CD160: variants seen among roughly 807,000 people sequenced by gnomAD.
The protein encoded by CD160 is CD160 antigen.
In CD160, 11 loss-of-function variants were observed where a neutral mutation model predicts 19.2. The observed-to-expected ratio is 0.57, with a 90% CI of 0.36 to 0.95. The LOEUF (loss-of-function observed/expected upper bound fraction) is 0.95. Ranked by LOEUF, CD160 falls within the 40% of genes least tolerant of loss-of-function variation. The pLI is 0.01. For synonymous variants in CD160, 75 were observed against 81.1 expected (o/e 0.93, Z 0.40); for missense variants, 182 against 213.2 (o/e 0.85, Z 0.91).
rs1381132363 is a variant in CD160 at position 145,738,939 on chromosome 1, A to T, written c.*446A>T. ...GAAAACAAGCAAAGATAGGTAGGACAGAAAGGAAGACAGCCAGATCCAGTG... is the reference window on the plus strand; with the variant it reads ...GAAAACAAGCAAAGATAGGTAGGACTGAAAGGAAGACAGCCAGATCCAGTG... On this transcript the variant is annotated 3_prime_UTR_variant, in exon 6 of 6. Coordinates refer to ENST00000369288, the MANE Select transcript of CD160 (RefSeq NM_007053.4). The T allele has an allele frequency of 6.5e-6, 1 of 153,860 alleles. No individual in the cohort carries two copies. Among genetic ancestry groups the T allele is most frequent in the Non-Finnish European group, 1.5e-5 (1 of 68,670 alleles). The allele number at this position is 153,860 out of a possible 1,614,324, so 9.5% of individuals were successfully genotyped here.
intron 2 of CD160, among the ~76,000 whole-genome samples, chr1:145,728,055 T>A (rs1657121556): frequency 6.6e-6 from 1 of 152,182 alleles, no homozygotes; most frequent in East Asian, 1.9e-4. Context: ...TAGCCTTTAG[T>A]GTCTCCCTAT....
At chr1:145,732,867 G>C (rs1657349196) in intron 4 of CD160, among the ~76,000 whole-genome samples, 1 of 152,104 alleles carries the variant, frequency 6.6e-6, no homozygotes, top group African/African-American at 2.4e-5. Flanking sequence ...AAGGAAAATG[G>C]GTGAAAGTAT....
chr1:145,721,336 G>T (rs1284753178), intron 1 of CD160, among the ~76,000 whole-genome samples: 12 of 152,182 alleles, frequency 7.9e-5, no homozygotes, highest in African/African-American at 2.9e-4. Context: ...GCCCTCTAGC[G>T]GCCAGAGTGC....
chr1:145,736,254 T>A (rs1553710174), intron 5 of CD160, 120 bp downstream of exon 5: 4 of 1,564,972 alleles, frequency 2.6e-6, no homozygotes, highest in Non-Finnish European at 3.5e-6. Context: ...AGAAAAATGT[T>A]ACTCAAGCCC....
rs1656989405 is a variant in CD160 at position 145,724,878 on chromosome 1, C to G, written c.-101C>G. On this transcript the variant is annotated 5_prime_UTR_variant, in exon 2 of 6. Coordinates refer to ENST00000369288, the MANE Select transcript of CD160 (RefSeq NM_007053.4). Reference sequence around the variant, plus strand: ...CCGTGAACTCCCGGGCTCCTCCCACCTAAGTCTCTTGAGTAGCTGGGACTT... The same window carrying G: ...CCGTGAACTCCCGGGCTCCTCCCACGTAAGTCTCTTGAGTAGCTGGGACTT... 6.6e-6 allele frequency: 1 copy of G among 151,986 alleles called. No homozygotes were observed. Among genetic ancestry groups the G allele is most frequent in the Non-Finnish European group, 1.5e-5 (1 of 68,026 alleles). 9.4% of individuals were successfully genotyped at this position (151,986 alleles called of 1,614,324 possible).
At chr1:145,730,416 C>G (rs1352064520) in intron 3 of CD160, among the ~76,000 whole-genome samples, 1 of 152,152 alleles carries the variant, frequency 6.6e-6, no homozygotes, top group African/African-American at 2.4e-5. Context: ...CCTCATAGCC[C>G]CAGCAGGGCT....
At position 145,725,125 on chromosome 1, in the gene CD160, G is replaced by T. The variant is rs919547667; in HGVS notation, c.-73+219G>T. Among the ~76,000 whole-genome samples the T allele has an allele frequency of 3.3e-5, 5 of 151,544 alleles. No individual in the cohort carries two copies. In the South Asian group the frequency reaches 1.1e-3, roughly 32 times the overall value. On this transcript the variant is annotated intron_variant, in intron 2 of 5. Coordinates refer to ENST00000369288, the MANE Select transcript of CD160 (RefSeq NM_007053.4). ...AACAGAATACAGCAGCACATGAAAA[G>T]AATAACATACTAGGCCGGGCGTGGT...
Position 145,731,042 on chromosome 1 carries a change from G to A in CD160, c.372G>A (p.Gln124=). 1 of 1,614,016 alleles carries A rather than the reference G, an allele frequency of 6.2e-7. No homozygotes were observed. The highest frequency in any genetic ancestry group is 2.2e-5 in the East Asian group (1 of 44,876). The change falls in exon 4 of 6, where the codon CAG becomes CAA. Residue 124 remains glutamine (Q), a synonymous_variant. Coordinates refer to ENST00000369288, the MANE Select transcript of CD160 (RefSeq NM_007053.4). ...ARSQKSGIRL[Q]GHFFSILFTE... ...GCCAGAAGTCAGGTATCCGCCTTCA[G>A]GGCCATTTTTTCTCCATTCTATTCA...
chr1:145,728,366 C>T lies in CD160; in HGVS notation c.39C>T (p.Ala13=), dbSNP rs140276352. 28 of 1,613,264 alleles carry T rather than the reference C, an allele frequency of 1.7e-5. No homozygotes were observed. The African/African-American group carries it at 3.6e-4, about 21-fold the overall frequency. The change falls in exon 3 of 6, where the codon GCC becomes GCT. Residue 13 remains alanine, a synonymous_variant. Transcript: ENST00000369288. The stretch of plus-strand genomic sequence containing the variant: ...CCGGCAGAGGCTGCTGTGCCCTGGC[C>T]ATCCTGCTGGCAATTGTGGACATCC... ...LEPGRGCCAL[A]ILLAIVDIQS...
rs587729969 is a variant in CD160 at position 145,732,279 on chromosome 1, G to A, written c.400+1209G>A. On this transcript the variant is annotated intron_variant, in intron 4 of 5. Coordinates refer to ENST00000369288, the MANE Select transcript of CD160 (RefSeq NM_007053.4). ...GAGATGCAATGACTCAAAAAAATTTGCCTTCCATGTGATCTTTTCAAAGAA... is the reference window on the plus strand; with the variant it reads ...GAGATGCAATGACTCAAAAAAATTTACCTTCCATGTGATCTTTTCAAAGAA... Among the ~76,000 whole-genome samples, 9 of 152,288 alleles carry A rather than the reference G, an allele frequency of 5.9e-5. No homozygotes were observed. The East Asian group carries it at 1.5e-3, about 26-fold the overall frequency.
intron 4 of CD160, among the ~76,000 whole-genome samples, chr1:145,733,990 T>C (rs1044664310): frequency 6.6e-6 from 1 of 152,176 alleles, no homozygotes; most frequent in African/African-American, 2.4e-5. Context: ...TCAAACTCAG[T>C]ATCAAAGCTA....
intron 1 of CD160, among the ~76,000 whole-genome samples, chr1:145,724,443 G>A (rs1332194884): frequency 6.6e-6 from 1 of 152,100 alleles, no homozygotes; most frequent in Non-Finnish European, 1.5e-5. Context: ...ATAATAGGAA[G>A]CATCTCTGCC....
intron 5 of CD160, chr1:145,736,344 A>C (rs1189929323): frequency 6.9e-7 from 1 of 1,442,168 alleles, no homozygotes; most frequent in African/African-American, 1.4e-5. Flanking sequence ...CAGACTTTTC[A>C]ATGGGTAGGA....
At chr1:145,727,768 G>T (rs1325193432) in intron 2 of CD160, among the ~76,000 whole-genome samples, 1 of 152,142 alleles carries the variant, frequency 6.6e-6, no homozygotes, top group Non-Finnish European at 1.5e-5. Flanking sequence ...TGACCAATAA[G>T]CATATGAAAA....
intron 1 of CD160, among the ~76,000 whole-genome samples, chr1:145,720,319 A>AC (rs1439778791): frequency 1.3e-5 from 2 of 152,124 alleles, no homozygotes; most frequent in African/African-American, 4.8e-5. Flanking sequence ...TATCTTATTA[A>AC]TTTTTAAATG....
chr1:145,721,110 G>T (rs1014120713), intron 1 of CD160, among the ~76,000 whole-genome samples: 1 of 152,054 alleles, frequency 6.6e-6, no homozygotes, highest in East Asian at 1.9e-4. Flanking sequence ...GACTTCTCAC[G>T]ACCACCCGCT....
intron 5 of CD160, chr1:145,737,931 T>C (rs1438694576): frequency 6.6e-6 from 1 of 152,194 alleles, no homozygotes; most frequent in Non-Finnish European, 1.5e-5. Context: ...ATACACTACT[T>C]AGAAGCTTTC....
Position 145,738,808 on chromosome 1 carries a change from A to C in CD160, c.*315A>C, listed in dbSNP as rs587686025. On this transcript the variant is annotated 3_prime_UTR_variant, in exon 6 of 6. Transcript: ENST00000369288. ...TATATGCGTTTTTGTACCCCAGAAA[A>C]ACTTTTCCTCCCTCTTCATCAACAT... 24 of 225,874 alleles carry C rather than the reference A, an allele frequency of 1.1e-4. No individual in the cohort carries two copies. The East Asian group carries it at 1.9e-3, about 18-fold the overall frequency. The allele number at this position is 225,874 out of a possible 1,614,324, so 14.0% of individuals were successfully genotyped here. A position where few individuals can be genotyped will look rare whatever the true frequency, so the allele number is the denominator to read the frequency against.
At chr1:145,731,770 A>G (rs1553709372) in intron 4 of CD160, among the ~76,000 whole-genome samples, 1 of 152,216 alleles carries the variant, frequency 6.6e-6, no homozygotes, top group African/African-American at 2.4e-5. Context: ...AAATTCAGGC[A>G]GACAACGAGA....
Sources: allele counts gnomAD v4.1 joint callset (sites outside exome capture counted in the v4.1 genomes callset), GRCh38; gene constraint gnomAD v4.1.1; transcripts MANE v1.5; gene names NCBI Gene and HGNC (gene_info 2026-07-23, HGNC 2026-07-21).